Variants in SCAPER observed in about 807,000 individuals in gnomAD.
The protein encoded by SCAPER is S phase cyclin A-associated protein in the endoplasmic reticulum.
In SCAPER, 98 loss-of-function variants were observed where a neutral mutation model predicts 182.2. The observed-to-expected ratio is 0.54, with a 90% CI of 0.46 to 0.64. The LOEUF (loss-of-function observed/expected upper bound fraction) is 0.64, where lower values mean the gene tolerates loss of function less well. SCAPER is among the 30% of genes least tolerant of loss of function. The pLI is 0.00. For synonymous variants in SCAPER, 605 were observed against 564.6 expected (o/e 1.07, Z -1.01); for missense variants, 1,432 against 1,690.0 (o/e 0.85, Z 2.68).
At chr15:76,593,188 G>A (rs1215818727) in intron 22 of SCAPER, among the ~76,000 whole-genome samples, 1 of 121,482 alleles carries the variant, frequency 8.2e-6, no homozygotes, top group Admixed American at 9.3e-5. Flanking sequence ...CCCCTCACAG[G>A]GTAAACAAAG....
At chr15:76,391,748 C>A (rs181564502) in intron 27 of SCAPER, among the ~76,000 whole-genome samples, 1 of 152,160 alleles carries the variant, frequency 6.6e-6, no homozygotes, top group East Asian at 1.9e-4. Context: ...ATGTGCCTGA[C>A]GGGAAGCTGC....
At chr15:76,704,683 TCAAA>T (rs1427591708) in intron 18 of SCAPER, among the ~76,000 whole-genome samples, 1 of 152,028 alleles carries the variant, frequency 6.6e-6, no homozygotes, top group African/African-American at 2.4e-5. Context: ...TACAATGAAC[TCAAA>T]CAAATTTACA....
chr15:76,357,214 C>G (rs2041047779), intron 29 of SCAPER, among the ~76,000 whole-genome samples: 1 of 146,782 alleles, frequency 6.8e-6, no homozygotes, highest in Non-Finnish European at 1.5e-5. Flanking sequence ...ACCTACCTCG[C>G]TTAGGTGAAT....
At chr15:76,413,040 C>T (rs868618258) in intron 26 of SCAPER, among the ~76,000 whole-genome samples, 6 of 152,030 alleles carry the variant, frequency 3.9e-5, no homozygotes, top group East Asian at 1.9e-4. Context: ...CTATACATAG[C>T]GATATGACTG....
intron 22 of SCAPER, among the ~76,000 whole-genome samples, chr15:76,610,081 C>A (rs984169271): frequency 2.0e-5 from 3 of 152,118 alleles, no homozygotes; most frequent in African/African-American, 7.2e-5. Context: ...TCCCATGATG[C>A]CACTGTGGTG....
At chr15:76,823,278 G>A (rs1330103702) in intron 5 of SCAPER, among the ~76,000 whole-genome samples, 1 of 151,980 alleles carries the variant, frequency 6.6e-6, no homozygotes, top group African/African-American at 2.4e-5. Context: ...GGCCAACATG[G>A]TGAAACTCCA....
chr15:76,518,640 G>A (rs2042621654), intron 23 of SCAPER, among the ~76,000 whole-genome samples: 1 of 152,156 alleles, frequency 6.6e-6, no homozygotes, highest in South Asian at 2.1e-4. Context: ...GAGAAACACA[G>A]GAGGCAAAAA....
At chr15:76,637,721 A>ATT (rs1270222969) in intron 21 of SCAPER, among the ~76,000 whole-genome samples, 61 of 69,236 alleles carry the variant, frequency 8.8e-4, no homozygotes, top group Non-Finnish European at 1.4e-3. Context: ...TATATATGTG[A>ATT]TTATATATAT....
rs538104051 is a variant in SCAPER, at chr15:76,538,864, T to C, written c.2839-33890A>G. Among the ~76,000 whole-genome samples, 4 of 152,208 alleles carry C rather than the reference T, an allele frequency of 2.6e-5. No individual in the cohort carries two copies. The East Asian group carries it at 7.7e-4, about 29-fold the overall frequency. ...TATTTGATCTCCACGTCAGCCAAAA[T>C]GTTGAATTAAGGGACACTTTCCATT... is the stretch of plus-strand genomic sequence containing the variant. On this transcript the variant is annotated intron_variant, in intron 23 of 31. Transcript: ENST00000563290.
At chr15:76,606,745 G>C (rs1005163039) in intron 22 of SCAPER, among the ~76,000 whole-genome samples, 5 of 151,830 alleles carry the variant, frequency 3.3e-5, no homozygotes, top group East Asian at 3.9e-4. Flanking sequence ...TCTTCTTGTT[G>C]AATTGATCCC....
chr15:76,683,129 C>T (rs1393133323), intron 20 of SCAPER, among the ~76,000 whole-genome samples: 1 of 151,688 alleles, frequency 6.6e-6, no homozygotes, highest in Middle Eastern at 3.2e-3. Context: ...AGGAGGCAGT[C>T]AAAACCCAAC....
At chr15:76,480,869 G>C (rs1053747919) in intron 24 of SCAPER, among the ~76,000 whole-genome samples, 1 of 151,922 alleles carries the variant, frequency 6.6e-6, no homozygotes, top group South Asian at 2.1e-4. Context: ...TAGCTGGGAC[G>C]ACAGGCGCCT....
At chr15:76,635,857 T>C (rs1297908847) in intron 21 of SCAPER, among the ~76,000 whole-genome samples, 2 of 152,222 alleles carry the variant, frequency 1.3e-5, no homozygotes, top group South Asian at 2.1e-4. Context: ...TGGTATATTA[T>C]ATTGTGTGAC....
At chr15:76,505,770 T>C (rs539325525) in intron 23 of SCAPER, among the ~76,000 whole-genome samples, 1 of 152,298 alleles carries the variant, frequency 6.6e-6, no homozygotes, top group South Asian at 2.1e-4. Flanking sequence ...GAGATCCATA[T>C]ATCTAAGAGA....
At chr15:76,668,903 T>C (rs898986148) in intron 20 of SCAPER, among the ~76,000 whole-genome samples, 57 of 152,330 alleles carry the variant, frequency 3.7e-4, no homozygotes, top group Admixed American at 9.8e-4. Flanking sequence ...CTAAGTACTT[T>C]ATATAATATC....
At chr15:76,377,819 T>C (rs2042671978) in intron 28 of SCAPER, among the ~76,000 whole-genome samples, 1 of 152,228 alleles carries the variant, frequency 6.6e-6, no homozygotes, top group African/African-American at 2.4e-5. Context: ...GTTTGTGGCT[T>C]TGAAGAAGGG....
At chr15:76,355,884 T>C (rs2040926983) in intron 29 of SCAPER, among the ~76,000 whole-genome samples, 1 of 152,228 alleles carries the variant, frequency 6.6e-6, no homozygotes, top group Non-Finnish European at 1.5e-5. Flanking sequence ...TGTAGTGAGA[T>C]GACTTGCCAG....
intron 21 of SCAPER, among the ~76,000 whole-genome samples, chr15:76,652,195 A>T (rs1171925544): frequency 1.4e-5 from 2 of 138,474 alleles, no homozygotes; most frequent in African/African-American, 2.7e-5. Context: ...AGGCAGGTGG[A>T]TCACTTGAGG....
chr15:76,820,255 C>T (rs374255573), intron 5 of SCAPER, among the ~76,000 whole-genome samples: 5 of 151,474 alleles, frequency 3.3e-5, no homozygotes, highest in East Asian at 1.9e-4. Context: ...ACCCAAAGGA[C>T]TATAAATCAT....
Sources: allele counts gnomAD v4.1 joint callset (sites outside exome capture counted in the v4.1 genomes callset), GRCh38; gene constraint gnomAD v4.1.1; transcripts MANE v1.5; gene names NCBI Gene and HGNC (gene_info 2026-07-23, HGNC 2026-07-21).